ZPR1: variants seen among roughly 807,000 people sequenced by gnomAD.
ZPR1 encodes the protein zinc finger protein ZPR1.
A neutral mutation model predicts 59.6 loss-of-function variants in ZPR1; 37 were observed. The ratio of observed to expected loss-of-function variants is 0.62; its 90% CI spans 0.48 to 0.82. The LOEUF (loss-of-function observed/expected upper bound fraction) is 0.82. ZPR1 is among the 40% of genes least tolerant of loss of function. The pLI is 0.00. For missense variants in ZPR1, 527 were observed against 579.9 expected, an observed-to-expected ratio of 0.91 and a Z score of 0.94; for synonymous variants, 191 against 215.2, an observed-to-expected ratio of 0.89 and a Z score of 0.99.
chr11:116,778,862 C>T lies in ZPR1; in HGVS notation c.*63G>A. ...GACACTCCCAGCCTTCGCCTTCATC[C>T]AATACTAATAAATAACCTACAGAAA... On this transcript the variant is annotated 3_prime_UTR_variant, in exon 14 of 14. Coordinates refer to ENST00000227322, the MANE Select transcript of ZPR1 (RefSeq NM_003904.5). 1 of 1,581,948 alleles carries T rather than the reference C, an allele frequency of 6.3e-7. No individual in the cohort carries two copies. The highest frequency in any genetic ancestry group is 2.2e-5 in the East Asian group (1 of 44,684).
chr11:116,785,907 T>G (rs1471921380), intron 4 of ZPR1, 25 bp from the exon 5 acceptor site: 1 of 1,606,140 alleles, frequency 6.2e-7, no homozygotes, highest in Admixed American at 1.7e-5. Flanking sequence ...GAGTAAAGCA[T>G]CAGCCCTGGT....
intron 12 of ZPR1, 42 bp from the exon 13 acceptor site, chr11:116,779,879 C>T (rs914952197): frequency 1.8e-6 from 2 of 1,105,486 alleles, no homozygotes; most frequent in Non-Finnish European, 2.6e-6. Flanking sequence ...TTTACATAAC[C>T]CCTGGTAAAA....
rs564118483 is a variant in ZPR1, at chr11:116,777,742, T to C, written c.*1183A>G. 6.6e-6 allele frequency: 1 copy of C among 152,192 alleles called. No individual in the cohort carries two copies. The highest frequency in any genetic ancestry group is 2.1e-4 in the South Asian group (1 of 4,818). The allele number at this position is 152,192 out of a possible 1,614,324, so 9.4% of individuals were successfully genotyped here. Reference sequence around the variant, plus strand: ...ATCTTAATCAATGAACTGGTCTTTATTGAACAAATACCCTGCAGTCTGCAC... The same window carrying C: ...ATCTTAATCAATGAACTGGTCTTTACTGAACAAATACCCTGCAGTCTGCAC... On this transcript the variant is annotated 3_prime_UTR_variant, in exon 14 of 14. Transcript: ENST00000227322.
chr11:116,783,479 A>G lies in ZPR1; in HGVS notation c.981+51T>C, dbSNP rs765321381. 2.7e-6 allele frequency: 4 copies of G among 1,462,604 alleles called. 1 individual carries two copies. The South Asian group carries it at 3.4e-5, about 12-fold the overall frequency. 90.6% of individuals were successfully genotyped at this position (1,462,604 alleles called of 1,614,324 possible). ...AAGACAACTTCCCCTAGATAGAGAC[A>G]GTTTATCTAACTTATGAGGACAACA... On this transcript the variant is annotated intron_variant, in intron 10 of 13. Transcript: ENST00000227322.
At position 116,778,669 on chromosome 11, in the gene ZPR1, A is replaced by AC. The variant is rs1940754460; in HGVS notation, c.*255dup. 1 of 440,698 alleles carries AC rather than the reference A, an allele frequency of 2.3e-6. No individual in the cohort carries two copies. The highest frequency in any genetic ancestry group is 4.0e-6 in the Non-Finnish European group (1 of 248,080). 27.3% of individuals were successfully genotyped at this position (440,698 alleles called of 1,614,324 possible). On this transcript the variant is annotated 3_prime_UTR_variant, in exon 14 of 14. Coordinates refer to ENST00000227322, the MANE Select transcript of ZPR1 (RefSeq NM_003904.5). ...CTTGATATGAAAAAAGTGATGACATACCCCTGGTTCATTTCTGGGTTTCCT... is the reference window on the plus strand; with the variant it reads ...CTTGATATGAAAAAAGTGATGACATACCCCCTGGTTCATTTCTGGGTTTCCT...
rs201399491 is a variant in ZPR1, at chr11:116,787,938, G to A, written c.53C>T (p.Pro18Leu). The change falls in exon 1 of 14, where the codon CCG becomes CTG. Residue 18 changes from proline to leucine, a missense_variant. Coordinates refer to ENST00000227322, the MANE Select transcript of ZPR1 (RefSeq NM_003904.5). ...EPGPPGAAVA[P>L]SPAPAPPPAP... Reference sequence around the variant, plus strand: ...AGGCGGCGGGGCCGGGGCGGGCGACGGGGCGACGGCAGCCCCCGGGGGCCC... The same window carrying A: ...AGGCGGCGGGGCCGGGGCGGGCGACAGGGCGACGGCAGCCCCCGGGGGCCC... 4,411 of 1,478,298 alleles carry A rather than the reference G, an allele frequency of 3.0e-3. 23 individuals carry two copies. The highest frequency in any genetic ancestry group is 7.3e-3 in the South Asian group (562 of 76,754). The allele number at this position is 1,478,298 out of a possible 1,614,324, so 91.6% of individuals were successfully genotyped here. A position where few individuals can be genotyped will look rare whatever the true frequency, so the allele number is the denominator to read the frequency against.
chr11:116,782,276 T>C (rs756873654), intron 11 of ZPR1, 32 bp from the exon 12 acceptor site: 1 of 1,580,650 alleles, frequency 6.3e-7, no homozygotes, highest in East Asian at 2.2e-5. Flanking sequence ...ACTATGTGAA[T>C]ACTGGCTTTA....
chr11:116,787,275 C>T (rs1426493637), intron 2 of ZPR1: 2 of 672,046 alleles, frequency 3.0e-6, no homozygotes, highest in African/African-American at 3.6e-5. Flanking sequence ...CTGCTCATTT[C>T]ATACCCTCAG....
rs1940732069 is a variant in ZPR1, at chr11:116,776,975, T to C, written c.*1950A>G. Reference sequence around the variant, plus strand: ...AAGCTTTATAGTTTGAATGAGTCATTTGCTAACCTGAGTCTCCAAACACCT... The same window carrying C: ...AAGCTTTATAGTTTGAATGAGTCATCTGCTAACCTGAGTCTCCAAACACCT... On this transcript the variant is annotated 3_prime_UTR_variant, in exon 14 of 14. Transcript: ENST00000227322. The C allele has an allele frequency of 6.6e-6, 1 of 152,218 alleles. No homozygotes were observed. The highest frequency in any genetic ancestry group is 2.1e-4 in the South Asian group (1 of 4,830). 9.4% of individuals were successfully genotyped at this position (152,218 alleles called of 1,614,324 possible).
Position 116,787,948 on chromosome 11 carries a change from C to T in ZPR1, c.43G>A (p.Ala15Thr). The T allele has an allele frequency of 6.8e-7, 1 of 1,465,858 alleles. No homozygotes were observed. Among genetic ancestry groups the T allele is most frequent in the East Asian group, 2.7e-5 (1 of 37,024 alleles). The allele number at this position is 1,465,858 out of a possible 1,614,324, so 90.8% of individuals were successfully genotyped here. The change falls in exon 1 of 14, where the codon GCC (alanine) becomes ACC (threonine). Residue 15 changes from alanine (A) to threonine (T), a missense_variant. Ala to Thr is a moderately conservative substitution (Grantham distance 58, BLOSUM62 0). Transcript: ENST00000227322. ...GAVEPGPPGAAVAPSPAPAPP... is the reference protein window; with the variant it reads ...GAVEPGPPGATVAPSPAPAPP... ...GCCGGGGCGGGCGACGGGGCGACGG[C>T]AGCCCCCGGGGGCCCTGGTTCCACA...
intron 13 of ZPR1, among the ~76,000 whole-genome samples, chr11:116,779,311 G>C (rs998817810): frequency 1.3e-5 from 2 of 152,204 alleles, no homozygotes; most frequent in African/African-American, 4.8e-5. Flanking sequence ...CTTATGAAAA[G>C]TATGACAAAT....
intron 12 of ZPR1, among the ~76,000 whole-genome samples, chr11:116,780,653 G>C (rs1376478619): frequency 6.6e-6 from 1 of 152,136 alleles, no homozygotes; most frequent in East Asian, 1.9e-4. Flanking sequence ...TAGCCTCTTT[G>C]TCTGACTAGC....
chr11:116,782,582 T>C (rs1278436246), intron 11 of ZPR1, among the ~76,000 whole-genome samples: 1 of 151,906 alleles, frequency 6.6e-6, no homozygotes, highest in Non-Finnish European at 1.5e-5. Flanking sequence ...GAGATAAACA[T>C]TTGGGCTAAG....
intron 4 of ZPR1, 70 bp from the exon 5 acceptor site, chr11:116,785,952 T>C (rs1019530954): frequency 2.2e-6 from 3 of 1,372,418 alleles, no homozygotes; most frequent in South Asian, 2.3e-5. Flanking sequence ...GTCATGCCCA[T>C]GTTACTTCCA....
chr11:116,787,699 C>T (rs1334492117), intron 1 of ZPR1, 56 bp from the exon 2 acceptor site: 1 of 1,571,576 alleles, frequency 6.4e-7, no homozygotes, highest in African/African-American at 1.3e-5. Context: ...CTTTCCCCGC[C>T]CTACTATCTC....
rs1565318854 is a variant in ZPR1 at position 116,776,232 on chromosome 11, C to CT, written c.*2692dup. The CT allele has an allele frequency of 6.6e-6, 1 of 152,208 alleles. No homozygotes were observed. 9.4% of individuals were successfully genotyped at this position (152,208 alleles called of 1,614,324 possible). A position where few individuals can be genotyped will look rare whatever the true frequency, so the allele number is the denominator to read the frequency against. ...GTGCCCTCATGCATGAACCACTTTC[C>CT]TTTTTTAACACAATCACAAACCTTT... On this transcript the variant is annotated 3_prime_UTR_variant, in exon 14 of 14. Transcript: ENST00000227322.
At chr11:116,779,281 T>C (rs1375033230) in intron 13 of ZPR1, among the ~76,000 whole-genome samples, 1 of 152,206 alleles carries the variant, frequency 6.6e-6, no homozygotes. Context: ...AATCCACCTA[T>C]TTTGTTATAT....
Position 116,774,085 on chromosome 11 carries a change from C to G in ZPR1, c.*4840G>C, listed in dbSNP as rs1940688768. On this transcript the variant is annotated 3_prime_UTR_variant, in exon 14 of 14. Coordinates refer to ENST00000227322, the MANE Select transcript of ZPR1 (RefSeq NM_003904.5). ...AGATTGTCAGTTTTATCGTTTTCTT[C>G]CCAGCTTTATTATTTGACAAAAAAT... 6.6e-6 allele frequency: 1 copy of G among 152,040 alleles called. No homozygotes were observed. The highest frequency in any genetic ancestry group is 1.5e-5 in the Non-Finnish European group (1 of 68,012). The allele number at this position is 152,040 out of a possible 1,614,324, so 9.4% of individuals were successfully genotyped here. A position where few individuals can be genotyped will look rare whatever the true frequency, so the allele number is the denominator to read the frequency against.
Position 116,779,009 on chromosome 11 carries a change from CT to C in ZPR1, c.1295del (p.Lys432SerfsTer10), listed in dbSNP as rs1431056339. On this transcript the variant is annotated frameshift_variant, in exon 14 of 14. Transcript: ENST00000227322. LOFTEE classifies it high-confidence loss of function. ...GCTCCTCATTTTGGTCAAAGGTGCGCTTGTAACGCTCCACCTTCATCTCAGG... is the reference window on the plus strand; with the variant it reads ...GCTCCTCATTTTGGTCAAAGGTGCGCTGTAACGCTCCACCTTCATCTCAGG... ...DDPEMKVERYKRTFDQNEELG... is the reference protein window; with the variant it reads ...DDPEMKVERYXRTFDQNEELG... The C allele has an allele frequency of 3.1e-6, 5 of 1,614,232 alleles. No homozygotes were observed. Among genetic ancestry groups the C allele is most frequent in the Non-Finnish European group, 4.2e-6 (5 of 1,180,046 alleles).
Sources: allele counts gnomAD v4.1 joint callset (sites outside exome capture counted in the v4.1 genomes callset), GRCh38; gene constraint gnomAD v4.1.1; transcripts MANE v1.5; gene names NCBI Gene and HGNC (gene_info 2026-07-23, HGNC 2026-07-21).